The following NRXN3 variants were observed in gnomAD, a reference collection of about 807,000 sequenced individuals.
The protein encoded by NRXN3 is neurexin 3.
Under a neutral mutation model 137.6 loss-of-function variants are expected in NRXN3, and 32 were observed. The observed-to-expected ratio is 0.23, with a 90% confidence interval of 0.18 to 0.31. NRXN3 has a LOEUF of 0.31. Among genes scored for constraint, NRXN3 ranks in the 10% least tolerant of loss-of-function variants. The probability of loss-of-function intolerance (pLI) is 1.00; values close to 1 mark genes in which losing one functional copy is unlikely to be tolerated. For missense variants in NRXN3, 1,574 were observed against 2,062.5 expected (o/e 0.76, Z 4.59); for synonymous variants, 798 against 784.5 (o/e 1.02, Z -0.29).
intron 6 of NRXN3, among the ~76,000 whole-genome samples, chr14:78,672,846 C>G (rs1167442790): frequency 2.0e-5 from 3 of 152,066 alleles, no homozygotes; most frequent in African/African-American, 7.2e-5. Context: ...AATCTGTAAG[C>G]CTGGTTCTCA....
At chr14:79,011,506 C>G (rs906009649) in intron 15 of NRXN3, among the ~76,000 whole-genome samples, 18 of 151,334 alleles carry the variant, frequency 1.2e-4, no homozygotes, top group Non-Finnish European at 2.5e-4. Flanking sequence ...TGGGTTTTCT[C>G]TATCATTATC....
chr14:79,248,131 T>G (rs1457029909), intron 15 of NRXN3, among the ~76,000 whole-genome samples: 1 of 152,196 alleles, frequency 6.6e-6, no homozygotes, highest in East Asian at 1.9e-4. Context: ...CCATGTTCAG[T>G]TGAAGTCCAC....
intron 20 of NRXN3, among the ~76,000 whole-genome samples, chr14:79,843,663 G>A (rs1008232321): frequency 1.3e-5 from 2 of 152,118 alleles, no homozygotes; most frequent in African/African-American, 4.8e-5. Flanking sequence ...TGTCATTTCA[G>A]CAGTGTTCAC....
rs187630517 is a variant in NRXN3 at position 78,427,945 on chromosome 14, A to G, written c.757+130085A>G. Among the ~76,000 whole-genome samples the G allele has an allele frequency of 3.0e-3, 451 of 152,334 alleles. 3 individuals carry two copies. The highest frequency in any genetic ancestry group is 5.8e-3 in the South Asian group (28 of 4,824). ...TTACCAATTCTTTACTATCCCAGGC[A>G]GTGCTTAGGCACCAAATGACTTTGG... On this transcript the variant is annotated intron_variant, in intron 4 of 20. Coordinates refer to ENST00000335750, the MANE Select transcript of NRXN3 (RefSeq NM_001330195.2).
chr14:79,804,822 C>T (rs111290820), intron 19 of NRXN3, among the ~76,000 whole-genome samples: 5 of 152,216 alleles, frequency 3.3e-5, no homozygotes, highest in African/African-American at 1.2e-4. Flanking sequence ...TGAAGTAAGG[C>T]TACAAAATGT....
rs566793250 is a variant in NRXN3, at chr14:78,414,253, G to T, written c.757+116393G>T. On this transcript the variant is annotated intron_variant, in intron 4 of 20. Transcript: ENST00000335750. ...TGTCAAGTTGAGAGGAGGTAGCGAA[G>T]TGTGTAAGGTGTAAGTGTAGTGGTG... Among the ~76,000 whole-genome samples the T allele has an allele frequency of 4.6e-5, 7 of 152,124 alleles. No individual in the cohort carries two copies. The South Asian group carries it at 1.5e-3, about 32-fold the overall frequency.
chr14:79,051,891 G>T (rs945494791), intron 15 of NRXN3, among the ~76,000 whole-genome samples: 1 of 152,148 alleles, frequency 6.6e-6, no homozygotes, highest in African/African-American at 2.4e-5. Context: ...CATCTCCCCT[G>T]GCTAAGATGA....
chr14:78,578,886 G>C (rs1024110769), intron 4 of NRXN3, among the ~76,000 whole-genome samples: 1 of 151,864 alleles, frequency 6.6e-6, no homozygotes, highest in Non-Finnish European at 1.5e-5. Context: ...GCATCTACAG[G>C]CTCTTTTTTC....
chr14:78,990,086 A>G (rs192325617), intron 15 of NRXN3, among the ~76,000 whole-genome samples: 232 of 152,314 alleles, frequency 1.5e-3, no homozygotes, highest in Admixed American at 4.0e-3. Context: ...GTTGGGATAT[A>G]ATGAAGCACT....
intron 16 of NRXN3, among the ~76,000 whole-genome samples, chr14:79,613,210 A>G (rs112506232): frequency 6.6e-6 from 1 of 152,256 alleles, no homozygotes; most frequent in Non-Finnish European, 1.5e-5. Flanking sequence ...TAAAAAATAT[A>G]GAAGTCTCAG....
intron 19 of NRXN3, among the ~76,000 whole-genome samples, chr14:79,704,131 C>T (rs1393376707): frequency 6.6e-6 from 1 of 152,126 alleles, no homozygotes; most frequent in Non-Finnish European, 1.5e-5. Flanking sequence ...CTTTGCTGAA[C>T]AGTTACAACA....
At chr14:79,350,101 T>C (rs941745293) in intron 15 of NRXN3, among the ~76,000 whole-genome samples, 1 of 152,222 alleles carries the variant, frequency 6.6e-6, no homozygotes, top group African/African-American at 2.4e-5. Context: ...TGGAATACTA[T>C]AATCTATAAG....
At chr14:79,160,209 A>C (rs1253208598) in intron 15 of NRXN3, among the ~76,000 whole-genome samples, 1 of 151,966 alleles carries the variant, frequency 6.6e-6, no homozygotes, top group Non-Finnish European at 1.5e-5. Flanking sequence ...CAGAACTTTA[A>C]CATAAATAGT....
At chr14:79,329,499 A>G (rs999487214) in intron 15 of NRXN3, among the ~76,000 whole-genome samples, 2 of 152,172 alleles carry the variant, frequency 1.3e-5, no homozygotes, top group Non-Finnish European at 2.9e-5. Context: ...TGCAAGCCAT[A>G]TGGTCTCTGT....
intron 15 of NRXN3, among the ~76,000 whole-genome samples, chr14:79,455,845 A>G (rs2096250714): frequency 6.6e-6 from 1 of 151,814 alleles, no homozygotes; most frequent in East Asian, 1.9e-4. Context: ...TATTTCAAAT[A>G]TTATCGGGTA....
intron 4 of NRXN3, among the ~76,000 whole-genome samples, chr14:78,427,844 A>G (rs1303586138): frequency 1.3e-5 from 2 of 152,172 alleles, no homozygotes; most frequent in Non-Finnish European, 2.9e-5. Flanking sequence ...ACCTCTACCC[A>G]TTAGCCAGAG....
chr14:79,699,170 A>G (rs1434735809), intron 19 of NRXN3, among the ~76,000 whole-genome samples: 1 of 151,980 alleles, frequency 6.6e-6, no homozygotes, highest in Non-Finnish European at 1.5e-5. Context: ...TATTACCTGC[A>G]TACCTACACA....
chr14:78,338,746 A>G (rs907820099), intron 4 of NRXN3, among the ~76,000 whole-genome samples: 4 of 152,216 alleles, frequency 2.6e-5, no homozygotes, highest in Non-Finnish European at 4.4e-5. Flanking sequence ...AGTTAGACTG[A>G]AAAAGAAATG....
intron 8 of NRXN3, among the ~76,000 whole-genome samples, chr14:78,732,399 T>C (rs34907605): frequency 0.19 from 29,126 of 152,088 alleles, 2,925 homozygotes; most frequent in African/African-American, 0.24. Context: ...CTACCTGATA[T>C]TTTGTTATCA....
Sources: gnomAD v4.1 joint callset for allele counts (sites outside exome capture counted in the v4.1 genomes callset) on GRCh38, gnomAD v4.1.1 for gene constraint, MANE v1.5 for transcripts, NCBI Gene and HGNC (gene_info 2026-07-23, HGNC 2026-07-21) for gene names.